Variants in MTUS2 observed in about 807,000 individuals in gnomAD.
The protein encoded by MTUS2 is microtubule associated scaffold protein 2.
In MTUS2, 40 loss-of-function variants were observed where a neutral mutation model predicts 114.1. The ratio of observed to expected loss-of-function variants is 0.35; its 90% CI spans 0.27 to 0.46. MTUS2 has a LOEUF of 0.46. MTUS2 is among the 20% of genes least tolerant of loss of function. MTUS2 has a pLI of 1.00. For missense variants in MTUS2, 1,679 were observed against 1,705.4 expected (o/e 0.98, Z 0.27); for synonymous variants, 688 against 672.0 (o/e 1.02, Z -0.37).
intron 2 of MTUS2, among the ~76,000 whole-genome samples, chr13:28,894,703 G>A (rs1879161813): frequency 6.6e-6 from 1 of 152,180 alleles, no homozygotes; most frequent in African/African-American, 2.4e-5. Flanking sequence ...GCATATAAAT[G>A]TCTGATAGAG....
At chr13:29,331,214 C>G (rs1473378117) in intron 7 of MTUS2, among the ~76,000 whole-genome samples, 2 of 152,148 alleles carry the variant, frequency 1.3e-5, no homozygotes, top group Non-Finnish European at 2.9e-5. Context: ...AATGGGAGTT[C>G]ACTCATGATT....
At chr13:29,108,054 A>G (rs1363075119) in intron 5 of MTUS2, among the ~76,000 whole-genome samples, 2 of 152,360 alleles carry the variant, frequency 1.3e-5, no homozygotes, top group East Asian at 3.9e-4. Flanking sequence ...GATGAATACT[A>G]TAAAATACAT....
At position 29,307,318 on chromosome 13, in the gene MTUS2, G is replaced by T. The variant is rs543702501; in HGVS notation, c.2807-17295G>T. On this transcript the variant is annotated intron_variant, in intron 6 of 15. Transcript: ENST00000612955. The stretch of plus-strand genomic sequence containing the variant: ...AGGACTCATGACCACAGTCCATGCT[G>T]TCCCTGCCACCCAGAAGACTGTGGA... 345 of 681,154 alleles carry T rather than the reference G, an allele frequency of 5.1e-4. 2 individuals are homozygous for T. Among genetic ancestry groups the T allele is most frequent in the Middle Eastern group, 2.1e-3 (5 of 2,358 alleles). The allele number at this position is 681,154 out of a possible 1,614,324, so 42.2% of individuals were successfully genotyped here.
intron 8 of MTUS2, among the ~76,000 whole-genome samples, chr13:29,399,009 CA>C (rs1874123958): frequency 6.6e-6 from 1 of 152,116 alleles, no homozygotes; most frequent in African/African-American, 2.4e-5. Context: ...GAAGTGAAAG[CA>C]AGTTTATTAA....
intron 2 of MTUS2, among the ~76,000 whole-genome samples, chr13:29,002,630 GT>G (rs1885433839): frequency 6.6e-6 from 1 of 152,204 alleles, no homozygotes; most frequent in African/African-American, 2.4e-5. Flanking sequence ...TGAGCAAATA[GT>G]TTAGGAGCAA....
At chr13:29,498,777 G>A (rs1207703863) in intron 14 of MTUS2, among the ~76,000 whole-genome samples, 3 of 152,122 alleles carry the variant, frequency 2.0e-5, no homozygotes. Context: ...TTTCTGCTTC[G>A]CCCTGGTTTT....
In MTUS2 at chr13:29,446,803, C is replaced by G. The variant is rs371697915; in HGVS notation, c.3184+6754C>G. Among the ~76,000 whole-genome samples the G allele has an allele frequency of 2.0e-5, 3 of 152,158 alleles. No homozygotes were observed. In the East Asian group the frequency reaches 5.8e-4, roughly 29 times the overall value. Reference sequence around the variant, plus strand: ...GAAATTAAATTTTCTCTCTCTCCCTCCCATGCACACACACATACACACAAA... The same window carrying G: ...GAAATTAAATTTTCTCTCTCTCCCTGCCATGCACACACACATACACACAAA... On this transcript the variant is annotated intron_variant, in intron 9 of 15. Transcript: ENST00000612955.
At chr13:29,061,275 T>C (rs1027732195) in intron 4 of MTUS2, among the ~76,000 whole-genome samples, 1 of 152,242 alleles carries the variant, frequency 6.6e-6, no homozygotes, top group Non-Finnish European at 1.5e-5. Flanking sequence ...ATCTATAAAG[T>C]AACCTTTCTT....
chr13:29,105,663 T>TTTTG (rs1555237248), intron 5 of MTUS2, among the ~76,000 whole-genome samples: 6 of 140,354 alleles, frequency 4.3e-5, no homozygotes, highest in Admixed American at 7.1e-5. Flanking sequence ...TTTTCTTTTT[T>TTTTG]TCCTGGTGCA....
At chr13:29,072,299 T>G (rs1393774319) in intron 4 of MTUS2, 2 of 152,228 alleles carry the variant, frequency 1.3e-5, no homozygotes, top group African/African-American at 4.8e-5. Flanking sequence ...TACTCTCATT[T>G]TCAAGCATCT....
At chr13:29,141,989 A>G (rs1340984577) in intron 5 of MTUS2, among the ~76,000 whole-genome samples, 1 of 151,450 alleles carries the variant, frequency 6.6e-6, no homozygotes, top group Non-Finnish European at 1.5e-5. Flanking sequence ...CCTCCCGAGT[A>G]GCTGGGACTA....
intron 2 of MTUS2, among the ~76,000 whole-genome samples, chr13:28,933,077 C>CATTCAATGTATAT (rs761145742): frequency 2.6e-5 from 4 of 151,460 alleles, no homozygotes; most frequent in Non-Finnish European, 4.4e-5. Context: ...TCTGTTTACT[C>CATTCAATGTATAT]ATTCAATGTA....
At chr13:29,162,388 G>A (rs1423292795) in intron 5 of MTUS2, among the ~76,000 whole-genome samples, 1 of 152,132 alleles carries the variant, frequency 6.6e-6, no homozygotes, top group African/African-American at 2.4e-5. Context: ...TTAGATGCAG[G>A]ACTCTTTTTT....
At chr13:29,147,068 A>T (rs1477162718) in intron 5 of MTUS2, among the ~76,000 whole-genome samples, 3 of 152,232 alleles carry the variant, frequency 2.0e-5, no homozygotes, top group African/African-American at 7.2e-5. Flanking sequence ...TGTATGTAAA[A>T]GAAGTTCAAA....
chr13:28,885,972 T>G (rs1207982998), intron 2 of MTUS2, among the ~76,000 whole-genome samples: 1 of 152,172 alleles, frequency 6.6e-6, no homozygotes, highest in African/African-American at 2.4e-5. Context: ...CTGGGCCACC[T>G]GGAGGCAGTG....
chr13:29,456,913 G>A (rs578240222), intron 9 of MTUS2, among the ~76,000 whole-genome samples: 18 of 151,996 alleles, frequency 1.2e-4, no homozygotes, highest in Admixed American at 2.0e-4. Flanking sequence ...TGAGGCGGGC[G>A]AATCACGAGG....
chr13:29,470,193 C>G (rs1880174978), intron 9 of MTUS2, among the ~76,000 whole-genome samples: 1 of 152,136 alleles, frequency 6.6e-6, no homozygotes, highest in Non-Finnish European at 1.5e-5. Flanking sequence ...CATCCTGAGG[C>G]TCCATGCTTT....
At chr13:29,280,752 C>T (rs1437403722) in intron 5 of MTUS2, among the ~76,000 whole-genome samples, 1 of 152,142 alleles carries the variant, frequency 6.6e-6, no homozygotes, top group East Asian at 1.9e-4. Context: ...TGGTAATCTC[C>T]GTGCATTCAG....
intron 5 of MTUS2, among the ~76,000 whole-genome samples, chr13:29,268,406 CG>C (rs1897748776): frequency 6.6e-6 from 1 of 152,144 alleles, no homozygotes; most frequent in South Asian, 2.1e-4. Context: ...CAATGACTCC[CG>C]TTTTACTCTG....
Sources: allele counts gnomAD v4.1 joint callset (sites outside exome capture counted in the v4.1 genomes callset), GRCh38; gene constraint gnomAD v4.1.1; transcripts MANE v1.5; gene names NCBI Gene and HGNC (gene_info 2026-07-23, HGNC 2026-07-21).